Variants in MFSD8 observed in about 807,000 individuals in gnomAD.
MFSD8 encodes major facilitator superfamily domain-containing protein 8.
Under a neutral mutation model 66.4 loss-of-function variants are expected in MFSD8, and 55 were observed. That is an observed-to-expected ratio of 0.83 (90% CI 0.67 to 1.04). MFSD8 has a LOEUF of 1.04. Among genes scored for constraint, MFSD8 ranks in the 50% least tolerant of loss-of-function variants. The probability of loss-of-function intolerance (pLI) is 0.00; values close to 1 mark genes in which losing one functional copy is unlikely to be tolerated. For synonymous variants in MFSD8, 202 were observed against 212.8 expected (o/e 0.95, Z 0.44); for missense variants, 550 against 627.6 (o/e 0.88, Z 1.32).
Position 127,955,688 on chromosome 4 carries a change from T to C in MFSD8, c.154+1813A>G, listed in dbSNP as rs200442032. 7.2e-5 allele frequency among the ~76,000 whole-genome samples: 11 copies of C among 152,312 alleles called. 1 individual carries two copies. The East Asian group carries it at 2.1e-3, about 29-fold the overall frequency. ...GGAAGGGTTCTCTGCTCTCCCCCTTTCTGCCTGAATGCAGAGAATAGATTG... is the reference window on the plus strand; with the variant it reads ...GGAAGGGTTCTCTGCTCTCCCCCTTCCTGCCTGAATGCAGAGAATAGATTG... On this transcript the variant is annotated intron_variant, in intron 2 of 11. Transcript: ENST00000641686.
intron 11 of MFSD8, chr4:127,921,312 A>T: frequency 1.3e-6 from 1 of 777,154 alleles, no homozygotes; most frequent in Non-Finnish European, 2.0e-6. Flanking sequence ...CCACAATGCC[A>T]CTCCTACAAC....
chr4:127,938,914 G>A lies in MFSD8; in HGVS notation c.699-76C>T, dbSNP rs981546872. The A allele has an allele frequency of 2.5e-6, 3 of 1,187,526 alleles. 1 individual carries two copies. Among genetic ancestry groups the A allele is most frequent in the South Asian group, 2.7e-5 (2 of 73,870 alleles). 73.6% of individuals were successfully genotyped at this position (1,187,526 alleles called of 1,614,324 possible). On this transcript the variant is annotated intron_variant, in intron 6 of 11. Transcript: ENST00000641686. ...GTTGTTTAAATTTATTATCGGCATT[G>A]TATTTTTTTTCACATTCTAATATAG...
intron 2 of MFSD8, among the ~76,000 whole-genome samples, chr4:127,953,098 A>G (rs1742277436): frequency 6.6e-6 from 1 of 152,104 alleles, no homozygotes; most frequent in South Asian, 2.1e-4. Flanking sequence ...TTCCTCAACA[A>G]AGCCTCATGG....
At chr4:127,951,057 CAA>C (rs111867339) in intron 2 of MFSD8, among the ~76,000 whole-genome samples, 5 of 107,048 alleles carry the variant, frequency 4.7e-5, no homozygotes. Context: ...GACTCTGTCT[CAA>C]AAAAAAAAAG....
At chr4:127,961,782 C>T (rs1251293763) in intron 1 of MFSD8, among the ~76,000 whole-genome samples, 1 of 137,948 alleles carries the variant, frequency 7.2e-6, no homozygotes, top group African/African-American at 2.7e-5. Context: ...GATTGCGCCA[C>T]TGCACTCCAG....
chr4:127,932,368 C>T (rs1331793363), intron 8 of MFSD8: 2 of 152,296 alleles, frequency 1.3e-5, no homozygotes, highest in Non-Finnish European at 2.9e-5. Flanking sequence ...TACATACACT[C>T]TTATACATAC....
chr4:127,935,985 G>A (rs1739005622), intron 7 of MFSD8, among the ~76,000 whole-genome samples: 1 of 152,086 alleles, frequency 6.6e-6, no homozygotes, highest in Non-Finnish European at 1.5e-5. Flanking sequence ...GCCAGATTTA[G>A]TAAATATACA....
At chr4:127,932,906 T>C in intron 8 of MFSD8, 79 bp downstream of exon 8, 1 of 1,299,642 alleles carries the variant, frequency 7.7e-7, no homozygotes, top group Non-Finnish European at 1.1e-6. Flanking sequence ...CAATAACATC[T>C]ATATGCCTAA....
rs1029815022 is a variant in MFSD8 at position 127,920,512 on chromosome 4, C to T, written c.*118G>A. On this transcript the variant is annotated 3_prime_UTR_variant, in exon 12 of 12. Coordinates refer to ENST00000641686, the MANE Select transcript of MFSD8 (RefSeq NM_001371596.2). ...TTATTCAACATATGTTCTTGTTCTT[C>T]AAAATCTGCAATATCTGTAGTCTGA... 9.2e-5 allele frequency: 90 copies of T among 982,776 alleles called. No homozygotes were observed. The highest frequency in any genetic ancestry group is 1.3e-4 in the Non-Finnish European group (78 of 618,134). 60.9% of individuals were successfully genotyped at this position (982,776 alleles called of 1,614,324 possible). A position where few individuals can be genotyped will look rare whatever the true frequency, so the allele number is the denominator to read the frequency against.
intron 3 of MFSD8, among the ~76,000 whole-genome samples, chr4:127,948,897 T>C (rs1485492977): frequency 6.6e-6 from 1 of 152,160 alleles, no homozygotes; most frequent in Admixed American, 6.5e-5. Flanking sequence ...CGGTAAGAAA[T>C]AAATTCCTTT....
intron 2 of MFSD8, among the ~76,000 whole-genome samples, chr4:127,956,658 A>G (rs1190405543): frequency 6.6e-6 from 1 of 151,946 alleles, no homozygotes; most frequent in Non-Finnish European, 1.5e-5. Flanking sequence ...GTCTCTACTA[A>G]AAATACAAAA....
At chr4:127,945,007 C>A (rs527877768) in intron 3 of MFSD8, among the ~76,000 whole-genome samples, 73 of 152,152 alleles carry the variant, frequency 4.8e-4, no homozygotes, top group Non-Finnish European at 8.7e-4. Flanking sequence ...TACTTTTTTT[C>A]ATATGTGGTA....
At chr4:127,955,573 G>A (rs1742717786) in intron 2 of MFSD8, among the ~76,000 whole-genome samples, 1 of 148,126 alleles carries the variant, frequency 6.8e-6, no homozygotes, top group South Asian at 2.1e-4. Context: ...GGTATATACT[G>A]AAGGCAATCA....
At chr4:127,949,338 T>C (rs1422423001) in intron 3 of MFSD8, among the ~76,000 whole-genome samples, 2 of 152,232 alleles carry the variant, frequency 1.3e-5, no homozygotes, top group Non-Finnish European at 2.9e-5. Flanking sequence ...CTTCCCCTTC[T>C]AGTAATAACA....
chr4:127,928,111 T>C (rs1737520353), intron 9 of MFSD8, among the ~76,000 whole-genome samples: 1 of 152,046 alleles, frequency 6.6e-6, no homozygotes, highest in Non-Finnish European at 1.5e-5. Flanking sequence ...GGCAGTGGTG[T>C]GATCTTGGTT....
At chr4:127,948,926 G>A (rs1459967743) in intron 3 of MFSD8, among the ~76,000 whole-genome samples, 1 of 152,138 alleles carries the variant, frequency 6.6e-6, no homozygotes, top group South Asian at 2.1e-4. Flanking sequence ...AAATTATCTG[G>A]TTTAGGGTAT....
chr4:127,964,274 C>T (rs1744509218), intron 1 of MFSD8, among the ~76,000 whole-genome samples: 1 of 152,240 alleles, frequency 6.6e-6, no homozygotes, highest in Admixed American at 6.5e-5. Flanking sequence ...GGACTAGGCA[C>T]CGTGGAGTAG....
At chr4:127,953,543 GTTTTTTTTTTTTTT>G (rs952826538) in intron 2 of MFSD8, among the ~76,000 whole-genome samples, 3 of 67,032 alleles carry the variant, frequency 4.5e-5, no homozygotes, top group African/African-American at 6.3e-5. Flanking sequence ...AAGGCATTCT[GTTTTTTTTTTTTTT>G]TTTTTTTTTT....
At chr4:127,921,495 T>G in intron 11 of MFSD8, 29 bp downstream of exon 11, 1 of 1,613,866 alleles carries the variant, frequency 6.2e-7, no homozygotes, top group Non-Finnish European at 8.5e-7. Context: ...ATATTTTCTA[T>G]AATTGCAATG....
Sources: allele counts gnomAD v4.1 joint callset (sites outside exome capture counted in the v4.1 genomes callset), GRCh38; gene constraint gnomAD v4.1.1; transcripts MANE v1.5; gene names NCBI Gene and HGNC (gene_info 2026-07-23, HGNC 2026-07-21).